Variants in CCDC171 observed in about 807,000 individuals in gnomAD.
The protein encoded by CCDC171 is coiled-coil domain-containing protein 171.
In CCDC171, 177 loss-of-function variants were observed where a neutral mutation model predicts 168.2. That is an observed-to-expected ratio of 1.05 (90% CI 0.93 to 1.19). The LOEUF is 1.19. Among genes scored for constraint, CCDC171 ranks in the 50% most tolerant of loss-of-function variants. CCDC171 has a pLI of 0.00. For synonymous variants in CCDC171, 687 were observed against 540.8 expected, an observed-to-expected ratio of 1.27 and a Z score of -3.75; for missense variants, 1,991 against 1,539.0, an observed-to-expected ratio of 1.29 and a Z score of -4.91.
intron 7 of CCDC171, among the ~76,000 whole-genome samples, chr9:15,639,503 G>T (rs2046435667): frequency 6.6e-6 from 1 of 151,798 alleles, no homozygotes; most frequent in South Asian, 2.1e-4. Context: ...TGGGTTTTTT[G>T]ATTATACCTA....
At chr9:15,978,506 A>G (rs1482671893), downstream of CCDC171, among the ~76,000 whole-genome samples, 1 of 152,110 alleles carries the variant, frequency 6.6e-6, no homozygotes, top group Non-Finnish European at 1.5e-5. Context: ...ATCTGTGGGG[A>G]GGCAGAATCC....
At position 15,794,283 on chromosome 9, in the gene CCDC171, G is replaced by T. The variant is rs1170628590; in HGVS notation, c.3267+9589G>T. On this transcript the variant is annotated intron_variant, in intron 21 of 25. Coordinates refer to ENST00000380701, the MANE Select transcript of CCDC171 (RefSeq NM_173550.4). The stretch of plus-strand genomic sequence containing the variant: ...AGTTCAAAAGCAGCCTGGCCAACAT[G>T]GTGAAACCCCGTCTCTACTAAAAAT... Among the ~76,000 whole-genome samples the T allele has an allele frequency of 4.6e-5, 7 of 152,186 alleles. No individual in the cohort carries two copies. The East Asian group carries it at 9.7e-4, about 21-fold the overall frequency.
chr9:15,668,068 T>C (rs2133195255), intron 9 of CCDC171, among the ~76,000 whole-genome samples: 1 of 152,354 alleles, frequency 6.6e-6, no homozygotes, highest in South Asian at 2.1e-4. Context: ...TCTTTACTTT[T>C]GCTTTAAGGT....
chr9:15,686,699 C>T (rs1029814024), intron 10 of CCDC171, among the ~76,000 whole-genome samples: 1 of 151,964 alleles, frequency 6.6e-6, no homozygotes, highest in African/African-American at 2.4e-5. Flanking sequence ...AGGGTCAATC[C>T]ACCAGAACGA....
At chr9:15,879,068 C>G (rs759056313) in intron 24 of CCDC171, among the ~76,000 whole-genome samples, 1 of 152,090 alleles carries the variant, frequency 6.6e-6, no homozygotes, top group Non-Finnish European at 1.5e-5. Flanking sequence ...ACCATTGTGA[C>G]ATGAGTTTAC....
chr9:15,793,272 A>C (rs2058366630), intron 21 of CCDC171, among the ~76,000 whole-genome samples: 1 of 152,034 alleles, frequency 6.6e-6, no homozygotes, highest in Non-Finnish European at 1.5e-5. Flanking sequence ...AAGAAGAGCT[A>C]ACTATCCTAA....
intron 21 of CCDC171, among the ~76,000 whole-genome samples, chr9:15,822,196 C>G (rs199811053): frequency 1.3e-5 from 2 of 151,970 alleles, no homozygotes; most frequent in Admixed American, 6.6e-5. Flanking sequence ...GATGGATTAA[C>G]GACTTAAATG....
chr9:15,848,371 C>T (rs1028912157), intron 22 of CCDC171, among the ~76,000 whole-genome samples: 8 of 151,784 alleles, frequency 5.3e-5, no homozygotes, highest in Non-Finnish European at 7.4e-5. Flanking sequence ...AAACTAGTAA[C>T]TTTGCATATT....
intron 6 of CCDC171, among the ~76,000 whole-genome samples, chr9:15,617,251 G>A (rs184469558): frequency 6.6e-6 from 1 of 152,076 alleles, no homozygotes; most frequent in Non-Finnish European, 1.5e-5. Context: ...GCGATCATTC[G>A]GAGGAGAAAA....
the CCDC171 span, among the ~76,000 whole-genome samples, chr9:16,073,546 C>T: frequency 3.9e-5 from 6 of 152,126 alleles, no homozygotes; most frequent in Non-Finnish European, 7.4e-5. Context: ...CTTTTGGTCT[C>T]TTCCATTTAG....
At chr9:15,656,932 G>C (rs2047983274) in intron 7 of CCDC171, among the ~76,000 whole-genome samples, 195 bp from the exon 8 acceptor site, 1 of 151,346 alleles carries the variant, frequency 6.6e-6, no homozygotes, top group Admixed American at 6.6e-5. Flanking sequence ...CCTCTATAAA[G>C]TGTAAAGAAA....
At chr9:16,059,505 CTTTTTTTTTTTTTTTTTT>C (rs869212886) in intron 1 of CCDC171, among the ~76,000 whole-genome samples, 1 of 101,422 alleles carries the variant, frequency 9.9e-6, no homozygotes, top group South Asian at 3.7e-4. Flanking sequence ...TTTTTTTTTT[CTTTTTTTTTTTTTTTTTT>C]TTGAGACGGA....
intron 11 of CCDC171, among the ~76,000 whole-genome samples, chr9:15,716,287 G>A (rs2053081345): frequency 6.6e-6 from 1 of 152,130 alleles, no homozygotes; most frequent in Non-Finnish European, 1.5e-5. Context: ...CTTTTGAAAA[G>A]CTAATTATGA....
chr9:16,027,256 A>T (rs559038190), intron 6 of CCDC171, among the ~76,000 whole-genome samples: 7 of 152,258 alleles, frequency 4.6e-5, no homozygotes, highest in Admixed American at 2.0e-4. Flanking sequence ...ATGATATTTT[A>T]TTTAAAGGTT....
chr9:16,086,196 C>G, the CCDC171 span, among the ~76,000 whole-genome samples: 1 of 152,222 alleles, frequency 6.6e-6, no homozygotes, highest in South Asian at 2.1e-4. Context: ...GTGTATGCAT[C>G]CAGGAATTTA....
the CCDC171 span, among the ~76,000 whole-genome samples, chr9:16,101,295 T>C: frequency 6.6e-6 from 1 of 152,250 alleles, no homozygotes; most frequent in Non-Finnish European, 1.5e-5. Context: ...TATTTTAGTA[T>C]ACATAGGTCC....
chr9:15,892,903 A>G (rs1185119397), intron 24 of CCDC171, among the ~76,000 whole-genome samples: 4 of 152,182 alleles, frequency 2.6e-5, no homozygotes, highest in African/African-American at 4.8e-5. Context: ...TTAAACTACC[A>G]TTGACATTCT....
At chr9:15,761,478 G>C (rs530704402) in intron 18 of CCDC171, among the ~76,000 whole-genome samples, 1 of 152,108 alleles carries the variant, frequency 6.6e-6, no homozygotes, top group African/African-American at 2.4e-5. Context: ...ATGGACCAAG[G>C]GCATTGTCAT....
intron 3 of CCDC171, among the ~76,000 whole-genome samples, chr9:15,573,050 T>G (rs963535070): frequency 6.6e-6 from 1 of 152,100 alleles, no homozygotes; most frequent in Non-Finnish European, 1.5e-5. Context: ...TCTCAGCTAC[T>G]TGGGAGGCTG....
Sources: gnomAD v4.1 joint callset for allele counts (sites outside exome capture counted in the v4.1 genomes callset) on GRCh38, gnomAD v4.1.1 for gene constraint, MANE v1.5 for transcripts, NCBI Gene and HGNC (gene_info 2026-07-23, HGNC 2026-07-21) for gene names.